The following PAM variants were observed in gnomAD, a reference collection of about 807,000 sequenced individuals.
The protein encoded by PAM is peptidyl-glycine alpha-amidating monooxygenase.
PAM carries 72 observed loss-of-function variants against 122.1 expected under a neutral mutation model. The observed-to-expected ratio is 0.59, with a 90% CI of 0.49 to 0.72. PAM has a LOEUF of 0.72. PAM is among the 30% of genes least tolerant of loss of function. The pLI is 0.00. For missense variants in PAM, 1,106 were observed against 1,183.7 expected, an observed-to-expected ratio of 0.93 and a Z score of 0.96; for synonymous variants, 389 against 404.4, an observed-to-expected ratio of 0.96 and a Z score of 0.46.
At chr5:102,849,490 G>A (rs568626241) in intron 1 of PAM, among the ~76,000 whole-genome samples, 17 of 150,908 alleles carry the variant, frequency 1.1e-4, no homozygotes, top group Middle Eastern at 3.4e-3. Context: ...CCCGGGAGGC[G>A]GAGATTGCAG....
intron 16 of PAM, among the ~76,000 whole-genome samples, chr5:102,994,586 C>A (rs1020333211): frequency 6.6e-6 from 1 of 152,074 alleles, no homozygotes; most frequent in Non-Finnish European, 1.5e-5. Flanking sequence ...AATTGTATTC[C>A]CTTTTTTTAG....
chr5:102,760,985 C>T (rs929700150), intron 1 of PAM, among the ~76,000 whole-genome samples: 3 of 152,186 alleles, frequency 2.0e-5, no homozygotes, highest in African/African-American at 7.2e-5. Context: ...GATTGAACTG[C>T]TGAACACTGT....
downstream of PAM, chr5:103,030,023 A>G (rs1333897896): frequency 6.6e-6 from 1 of 152,218 alleles, no homozygotes; most frequent in Non-Finnish European, 1.5e-5. Context: ...GTCTCAAATT[A>G]CATATGCAAA....
chr5:102,974,598 T>TG, intron 15 of PAM, 162 bp downstream of exon 15: 1 of 529,026 alleles, frequency 1.9e-6, no homozygotes, highest in Non-Finnish European at 3.3e-6. Flanking sequence ...ATAACATCTT[T>TG]GAAGATTTTT....
At chr5:102,948,884 G>A (rs1269953175) in intron 9 of PAM, among the ~76,000 whole-genome samples, 1 of 151,836 alleles carries the variant, frequency 6.6e-6, no homozygotes, top group Non-Finnish European at 1.5e-5. Context: ...TGCAAAATGG[G>A]GATGATAATA....
At chr5:103,018,943 A>G (rs760301599) in intron 22 of PAM, among the ~76,000 whole-genome samples, 6 of 152,172 alleles carry the variant, frequency 3.9e-5, no homozygotes, top group Non-Finnish European at 7.3e-5. Flanking sequence ...AGTTCACAAA[A>G]GGGTTCAGGC....
chr5:102,915,494 C>A (rs1209968400), intron 5 of PAM, among the ~76,000 whole-genome samples: 2 of 152,022 alleles, frequency 1.3e-5, no homozygotes, highest in African/African-American at 4.8e-5. Flanking sequence ...ACAGTAAATA[C>A]CCTTCAATAT....
At chr5:102,946,814 T>A in intron 7 of PAM, 23 bp from the exon 8 acceptor site, 1 of 1,443,562 alleles carries the variant, frequency 6.9e-7, no homozygotes, top group East Asian at 2.3e-5. Flanking sequence ...ATTTAAGATA[T>A]GTGTTTCTAT....
At chr5:102,760,289 C>G (rs458256) in intron 1 of PAM, among the ~76,000 whole-genome samples, 76,159 of 151,894 alleles carry the variant, frequency 0.5, 19,645 homozygotes, top group African/African-American at 0.62. Flanking sequence ...AGTTTCAGGA[C>G]ATTGGCACAA....
intron 14 of PAM, among the ~76,000 whole-genome samples, chr5:102,961,762 C>A (rs547939711): frequency 2.0e-5 from 3 of 151,954 alleles, no homozygotes; most frequent in African/African-American, 7.2e-5. Context: ...AAAAAAGCAT[C>A]ATTCTTCCCC....
intron 3 of PAM, among the ~76,000 whole-genome samples, chr5:102,868,563 A>T (rs116439808): frequency 2.6e-5 from 4 of 152,214 alleles, no homozygotes; most frequent in African/African-American, 9.7e-5. Context: ...TTAACCGCAA[A>T]AAGTGTAATG....
At chr5:103,027,981 C>G (rs1785460014) in intron 24 of PAM, among the ~76,000 whole-genome samples, 1 of 152,152 alleles carries the variant, frequency 6.6e-6, no homozygotes, top group African/African-American at 2.4e-5. Context: ...CAGTAAGAGA[C>G]ACGGGCAGGA....
intron 1 of PAM, among the ~76,000 whole-genome samples, chr5:102,783,281 A>G (rs921512496): frequency 2.0e-5 from 3 of 152,212 alleles, no homozygotes; most frequent in African/African-American, 7.2e-5. Flanking sequence ...TTTCAAATAA[A>G]CAATAAATAA....
intron 4 of PAM, among the ~76,000 whole-genome samples, chr5:102,902,425 T>C (rs371470263): frequency 1.3e-5 from 2 of 151,766 alleles, no homozygotes; most frequent in African/African-American, 4.8e-5. Flanking sequence ...GCTGCATAGT[T>C]AATTCCTAAG....
At chr5:102,906,059 T>C (rs550705552) in intron 4 of PAM, among the ~76,000 whole-genome samples, 5 of 151,762 alleles carry the variant, frequency 3.3e-5, no homozygotes, top group Admixed American at 3.3e-4. Flanking sequence ...CAGAGTTTCT[T>C]AAACGTCTTC....
At chr5:102,924,919 T>C in intron 5 of PAM, 38 bp from the exon 6 acceptor site, 2 of 1,112,070 alleles carry the variant, frequency 1.8e-6, no homozygotes, top group Non-Finnish European at 2.8e-6. Flanking sequence ...CATTTCACTA[T>C]TTAAATCTTC....
At chr5:102,796,441 C>A (rs908620263) in intron 1 of PAM, among the ~76,000 whole-genome samples, 1 of 152,136 alleles carries the variant, frequency 6.6e-6, no homozygotes, top group Non-Finnish European at 1.5e-5. Flanking sequence ...TGGAAATTCA[C>A]CTTTTAAATA....
At chr5:102,816,727 A>G (rs1769931438) in intron 1 of PAM, among the ~76,000 whole-genome samples, 1 of 152,074 alleles carries the variant, frequency 6.6e-6, no homozygotes, top group Non-Finnish European at 1.5e-5. Flanking sequence ...CCTGACTCTA[A>G]AAGTTGGAGT....
At chr5:102,803,129 A>AAAAAAAAAAC (rs1371433942) in intron 1 of PAM, among the ~76,000 whole-genome samples, 2 of 142,808 alleles carry the variant, frequency 1.4e-5, no homozygotes, top group African/African-American at 5.5e-5. Flanking sequence ...TGTCCAAAAA[A>AAAAAAAAAAC]AAAGAAAGAA....
Sources: allele counts gnomAD v4.1 joint callset (sites outside exome capture counted in the v4.1 genomes callset), GRCh38; gene constraint gnomAD v4.1.1; transcripts MANE v1.5; gene names NCBI Gene and HGNC (gene_info 2026-07-23, HGNC 2026-07-21).